The following COL9A1 variants were observed in gnomAD, a reference collection of about 807,000 sequenced individuals.
COL9A1 encodes the protein collagen type IX alpha 1 chain.
In COL9A1, 104 loss-of-function variants were observed where a neutral mutation model predicts 142.6. The ratio of observed to expected loss-of-function variants is 0.73; its 90% CI spans 0.62 to 0.86. The LOEUF is 0.86. Ranked by LOEUF, COL9A1 falls within the 40% of genes least tolerant of loss-of-function variation. The pLI is 0.00. For missense variants in COL9A1, 1,210 were observed against 1,176.6 expected (o/e 1.03, Z -0.42); for synonymous variants, 466 against 396.0 (o/e 1.18, Z -2.10).
chr6:70,277,419 A>C (rs1050528146), intron 10 of COL9A1, among the ~76,000 whole-genome samples: 1 of 152,192 alleles, frequency 6.6e-6, no homozygotes, highest in African/African-American at 2.4e-5. Flanking sequence ...CATAATACAT[A>C]CATAATTTTC....
chr6:70,256,738 A>G (rs776137394), intron 21 of COL9A1, 30 bp downstream of exon 21: 2 of 1,610,612 alleles, frequency 1.2e-6, no homozygotes, highest in Non-Finnish European at 1.7e-6. Flanking sequence ...AAAATCTATC[A>G]TTGGGTTTTG....
intron 29 of COL9A1, 39 bp from the exon 30 acceptor site, chr6:70,242,074 T>C (rs746481147): frequency 2.8e-5 from 43 of 1,531,270 alleles, no homozygotes; most frequent in Non-Finnish European, 3.7e-5. Context: ...TTACTGTCAC[T>C]GCAACACTGA....
chr6:70,247,520 T>C (rs571362735), intron 28 of COL9A1, among the ~76,000 whole-genome samples: 7 of 152,164 alleles, frequency 4.6e-5, no homozygotes, highest in Non-Finnish European at 1.0e-4. Flanking sequence ...AATTCAGAGG[T>C]TGGAAATTAT....
At chr6:70,249,546 A>T (rs972390118) in intron 28 of COL9A1, among the ~76,000 whole-genome samples, 2 of 152,170 alleles carry the variant, frequency 1.3e-5, no homozygotes, top group African/African-American at 4.8e-5. Flanking sequence ...ATGGAAATGA[A>T]GAGTCAAATA....
At chr6:70,260,803 A>G (rs1771631659) in intron 19 of COL9A1, 93 bp from the exon 20 acceptor site, 2 of 1,168,578 alleles carry the variant, frequency 1.7e-6, no homozygotes. Flanking sequence ...AATGGATATT[A>G]TCATAACCAA....
intron 14 of COL9A1, among the ~76,000 whole-genome samples, chr6:70,270,786 G>A (rs752250546): frequency 3.9e-5 from 6 of 152,202 alleles, no homozygotes; most frequent in Non-Finnish European, 5.9e-5. Flanking sequence ...TGGAATGGAA[G>A]GTTAATCTCT....
intron 10 of COL9A1, 128 bp downstream of exon 10, chr6:70,280,684 C>G: frequency 7.3e-7 from 1 of 1,370,646 alleles, no homozygotes; most frequent in Non-Finnish European, 1.0e-6. Flanking sequence ...GGCAGGAGGC[C>G]AAGTTTAGAG....
rs540419799 is a variant in COL9A1 at position 70,260,684 on chromosome 6, G to A, written c.1422C>T (p.Thr474=). The change falls in exon 20 of 38, where the codon ACC becomes ACT. Residue 474 remains threonine, a synonymous_variant. Coordinates refer to ENST00000357250, the MANE Select transcript of COL9A1 (RefSeq NM_001851.6). ...TTTCCCCTTTGTCCCCAACTATGCCGGTGATGCCTCGCAAACCCTGGGCTC... is the reference window on the plus strand; with the variant it reads ...TTTCCCCTTTGTCCCCAACTATGCCAGTGATGCCTCGCAAACCCTGGGCTC... ...PPGAQGLRGI[T]GIVGDKGEKG... 2.4e-5 allele frequency: 38 copies of A among 1,613,730 alleles called. No individual in the cohort carries two copies. In the South Asian group the frequency reaches 2.7e-4, roughly 12 times the overall value.
chr6:70,260,745 G>C (rs1012560970), intron 19 of COL9A1, 35 bp from the exon 20 acceptor site: 11 of 1,607,734 alleles, frequency 6.8e-6, no homozygotes, highest in Non-Finnish European at 9.4e-6. Context: ...AATTATTTTA[G>C]TTGAAGCAAA....
At chr6:70,286,312 G>T (rs117579395) in intron 5 of COL9A1, among the ~76,000 whole-genome samples, 1 of 152,246 alleles carries the variant, frequency 6.6e-6, no homozygotes, top group Non-Finnish European at 1.5e-5. Context: ...TTTTACCAAG[G>T]TTAACGATTT....
chr6:70,279,125 A>G (rs903889388), intron 10 of COL9A1, among the ~76,000 whole-genome samples: 1 of 152,240 alleles, frequency 6.6e-6, no homozygotes, highest in African/African-American at 2.4e-5. Context: ...CTTTTCATCC[A>G]AAACTAAAGG....
chr6:70,291,271 C>A (rs753425339), intron 5 of COL9A1, among the ~76,000 whole-genome samples: 1 of 152,054 alleles, frequency 6.6e-6, no homozygotes. Flanking sequence ...AAGAACTGAC[C>A]CATCTGGGAA....
intron 20 of COL9A1, 70 bp downstream of exon 20, chr6:70,260,587 A>G: frequency 8.0e-7 from 1 of 1,243,342 alleles, no homozygotes; most frequent in South Asian, 1.4e-5. Flanking sequence ...ATAAAAAGTT[A>G]TGTTTAAACG....
At chr6:70,226,967 C>T (rs1000375667) in intron 36 of COL9A1, among the ~76,000 whole-genome samples, 2 of 151,996 alleles carry the variant, frequency 1.3e-5, no homozygotes, top group African/African-American at 4.8e-5. Flanking sequence ...GGTGTTGCTC[C>T]CTGAATACTC....
At chr6:70,290,014 A>G (rs1172247655) in intron 5 of COL9A1, among the ~76,000 whole-genome samples, 2 of 152,194 alleles carry the variant, frequency 1.3e-5, no homozygotes, top group African/African-American at 4.8e-5. Flanking sequence ...AGAGCCACGC[A>G]TTTGATAATA....
At position 70,267,319 on chromosome 6, in the gene COL9A1, G is replaced by GTTTTTTTTTTTTTTTTTTTTTTTT. The variant is rs1050364230; in HGVS notation, c.1288-550_1288-549insAAAAAAAAAAAAAAAAAAAAAAAA. ...TACATTTTTTGTTGTTGTTTGTTTG[G>GTTTTTTTTTTTTTTTTTTTTTTTT]TTTTTTTGTTTTTTTTTTTTGAGAT... On this transcript the variant is annotated intron_variant, in intron 17 of 37. Transcript: ENST00000357250. Among the ~76,000 whole-genome samples the GTTTTTTTTTTTTTTTTTTTTTTTT allele has an allele frequency of 9.0e-5, 9 of 99,660 alleles. 1 individual carries two copies. Among genetic ancestry groups the GTTTTTTTTTTTTTTTTTTTTTTTT allele is most frequent in the Non-Finnish European group, 1.5e-4 (7 of 45,700 alleles). 65.4% of individuals were successfully genotyped at this position (99,660 alleles called of 152,430 possible).
chr6:70,269,499 C>A, intron 16 of COL9A1, 134 bp downstream of exon 16: 1 of 687,082 alleles, frequency 1.5e-6, no homozygotes, highest in East Asian at 2.6e-5. Flanking sequence ...GCGTTACAGA[C>A]TGCTCTGCCA....
At chr6:70,246,799 G>A (rs1770636946) in intron 28 of COL9A1, among the ~76,000 whole-genome samples, 1 of 152,190 alleles carries the variant, frequency 6.6e-6, no homozygotes. Context: ...ATATGCGAGG[G>A]TGGAAATAAA....
Position 70,302,898 on chromosome 6 carries a change from G to C in COL9A1, c.14+13C>G, listed in dbSNP as rs997630467. 3.1e-6 allele frequency: 5 copies of C among 1,613,694 alleles called. No individual in the cohort carries two copies. Among genetic ancestry groups the C allele is most frequent in the Non-Finnish European group, 4.2e-6 (5 of 1,179,862 alleles). On this transcript the variant is annotated intron_variant, in intron 1 of 37. Coordinates refer to ENST00000357250, the MANE Select transcript of COL9A1 (RefSeq NM_001851.6). ...CCATCTCCCCACCACTCTTTCCAGG[G>C]TTATTGTCTTACCAGCAGGTCTTCA...
Sources: allele counts gnomAD v4.1 joint callset (sites outside exome capture counted in the v4.1 genomes callset), GRCh38; gene constraint gnomAD v4.1.1; transcripts MANE v1.5; gene names NCBI Gene and HGNC (gene_info 2026-07-23, HGNC 2026-07-21).